GRK5: variants seen among roughly 807,000 people sequenced by gnomAD.
The protein encoded by GRK5 is G protein-coupled receptor kinase 5, also known as g protein-coupled receptor kinase GRK5.
GRK5 carries 40 observed loss-of-function variants against 78.4 expected under a neutral mutation model. The ratio of observed to expected loss-of-function variants is 0.51; its 90% CI spans 0.40 to 0.66. The LOEUF (loss-of-function observed/expected upper bound fraction) is 0.66, where lower values mean the gene tolerates loss of function less well. GRK5 is among the 30% of genes least tolerant of loss of function. The pLI, the probability that GRK5 is intolerant of heterozygous loss-of-function variation, is 0.00. For synonymous variants in GRK5, 289 were observed against 296.8 expected (o/e 0.97, Z 0.27); for missense variants, 598 against 759.9 (o/e 0.79, Z 2.50).
intron 6 of GRK5, among the ~76,000 whole-genome samples, chr10:119,427,614 C>T (rs1258044734): frequency 4.0e-5 from 6 of 151,670 alleles, no homozygotes; most frequent in South Asian, 2.1e-4. Flanking sequence ...ATCAGCATCA[C>T]TGCCATCATC....
At chr10:119,395,115 A>G (rs1458014365) in intron 3 of GRK5, among the ~76,000 whole-genome samples, 1 of 143,624 alleles carries the variant, frequency 7.0e-6, no homozygotes, top group Non-Finnish European at 1.5e-5. Flanking sequence ...GACCTTGGGC[A>G]AGTCCCTGAC....
At chr10:119,361,541 A>G (rs765824752) in intron 2 of GRK5, among the ~76,000 whole-genome samples, 21 of 152,218 alleles carry the variant, frequency 1.4e-4, no homozygotes, top group Non-Finnish European at 2.1e-4. Flanking sequence ...GGAAGAAGTT[A>G]ATTAAGCAAT....
rs2133675311 is a variant in GRK5 at position 119,271,987 on chromosome 10, G to T, written c.53-54529G>T. On this transcript the variant is annotated intron_variant, in intron 1 of 15. Coordinates refer to ENST00000392870, the MANE Select transcript of GRK5 (RefSeq NM_005308.3). This position sits in a 1 kb window ranked among gnomAD's most constrained non-coding sequence, Gnocchi z 4.1. ...GGGCTTGCCACAGTCTCATGACTCT[G>T]CTGGGAAGAGCCTTCCTGCGGGCCC... Among the ~76,000 whole-genome samples the T allele has an allele frequency of 6.6e-6, 1 of 152,304 alleles. No individual in the cohort carries two copies. Among genetic ancestry groups the T allele is most frequent in the East Asian group, 1.9e-4 (1 of 5,186 alleles).
chr10:119,234,736 A>G (rs1281864796), intron 1 of GRK5, among the ~76,000 whole-genome samples: 2 of 150,812 alleles, frequency 1.3e-5, no homozygotes, highest in African/African-American at 4.9e-5. Context: ...TCTGTCACCC[A>G]GGCTGGAGTG....
chr10:119,287,776 G>A (rs924224389), intron 1 of GRK5, among the ~76,000 whole-genome samples: 32 of 152,138 alleles, frequency 2.1e-4, no homozygotes, highest in African/African-American at 6.3e-4. Flanking sequence ...CGTATCCAGC[G>A]CCGGGGCTAT....
chr10:119,380,895 C>T lies in GRK5; in HGVS notation c.229C>T (p.Leu77=). The T allele has an allele frequency of 6.2e-7, 1 of 1,613,188 alleles. No homozygotes were observed. The highest frequency in any genetic ancestry group is 8.5e-7 in the Non-Finnish European group (1 of 1,179,140). Residue 77 remains leucine, a synonymous_variant, in exon 3 of 16, where the codon CTG becomes TTG. Transcript: ENST00000392870. ...GCAGTTTTGTGAAACCAGGCCTGGG[C>T]TGGAGTGTTACATTCAGTTCCTGGA... is the stretch of plus-strand genomic sequence containing the variant. ...FRQFCETRPG[L]ECYIQFLDSV...
chr10:119,289,325 T>G (rs1297348368), intron 1 of GRK5, among the ~76,000 whole-genome samples: 1 of 152,192 alleles, frequency 6.6e-6, no homozygotes, highest in Non-Finnish European at 1.5e-5. Flanking sequence ...GCACCTTTCC[T>G]TCCCCTTTTG....
chr10:119,293,516 C>T lies in GRK5; in HGVS notation c.53-33000C>T, dbSNP rs574348842. ...GTCTGTCTTTTGACCTCCCAGTGCA[C>T]AGCCATGGGTCTGTCACTCTGGTGA... On this transcript the variant is annotated intron_variant, in intron 1 of 15. Transcript: ENST00000392870. Among the ~76,000 whole-genome samples the T allele has an allele frequency of 5.7e-4, 87 of 152,368 alleles. 3 individuals are homozygous for T. The South Asian group carries it at 0.018, about 31-fold the overall frequency.
intron 1 of GRK5, among the ~76,000 whole-genome samples, chr10:119,214,003 T>C (rs1269519902): frequency 6.6e-6 from 1 of 152,150 alleles, no homozygotes; most frequent in Non-Finnish European, 1.5e-5. Flanking sequence ...TGAGACAGAG[T>C]CTGCTCTGTC....
intron 3 of GRK5, among the ~76,000 whole-genome samples, chr10:119,384,028 G>C (rs1851754032): frequency 6.6e-6 from 1 of 152,162 alleles, no homozygotes; most frequent in African/African-American, 2.4e-5. Context: ...AGATCTTCCA[G>C]CATCAGCTCC....
intron 1 of GRK5, among the ~76,000 whole-genome samples, chr10:119,255,453 T>C (rs968146116): frequency 4.6e-5 from 7 of 152,226 alleles, no homozygotes; most frequent in African/African-American, 2.4e-5. Context: ...ACTTAGAGGC[T>C]CTTTCTGTTT....
Position 119,207,856 on chromosome 10 carries a change from C to T in GRK5, c.-62C>T. ...GCAGCCCGAGCAGCGGCAGCAGCAG[C>T]GGCAGCACCCCAGGCGCTGACAGCC... On this transcript the variant is annotated 5_prime_UTR_variant, in exon 1 of 16. Coordinates refer to ENST00000392870, the MANE Select transcript of GRK5 (RefSeq NM_005308.3). 1.4e-6 allele frequency: 2 copies of T among 1,469,300 alleles called. No homozygotes were observed. The highest frequency in any genetic ancestry group is 1.8e-6 in the Non-Finnish European group (2 of 1,083,010). 91.0% of individuals were successfully genotyped at this position (1,469,300 alleles called of 1,614,324 possible).
At chr10:119,215,897 A>G (rs1403434202) in intron 1 of GRK5, among the ~76,000 whole-genome samples, 1 of 152,212 alleles carries the variant, frequency 6.6e-6, no homozygotes, top group Admixed American at 6.5e-5. Flanking sequence ...CAGGCAGGTG[A>G]TCTAAAATGG....
chr10:119,376,952 T>C (rs528979548), intron 2 of GRK5, among the ~76,000 whole-genome samples: 1 of 152,334 alleles, frequency 6.6e-6, no homozygotes, highest in Non-Finnish European at 1.5e-5. Flanking sequence ...AGGAGTTCCA[T>C]GTTCTAGAAG....
rs1386752121 is a variant in GRK5 at position 119,378,017 on chromosome 10, G to A, written c.149-2798G>A. ...TATCTGCAGGGCATTGTGCTAACAG[G>A]TGCAGGCTGCAGACCTGTCACAGGC... On this transcript the variant is annotated intron_variant, in intron 2 of 15. Coordinates refer to ENST00000392870, the MANE Select transcript of GRK5 (RefSeq NM_005308.3). The surrounding 1 kb of genome is among the most constrained non-coding windows in gnomAD (Gnocchi z 4.5). 6.5e-6 allele frequency: 1 copy of A among 154,402 alleles called. No individual in the cohort carries two copies. Among genetic ancestry groups the A allele is most frequent in the East Asian group, 1.9e-4 (1 of 5,204 alleles). 9.6% of individuals were successfully genotyped at this position (154,402 alleles called of 1,614,324 possible).
chr10:119,313,476 C>T (rs972669421), intron 1 of GRK5, among the ~76,000 whole-genome samples: 14 of 152,118 alleles, frequency 9.2e-5, no homozygotes, highest in African/African-American at 2.9e-4. Context: ...AGCAGTGTCT[C>T]AGTTTGCAGG....
At chr10:119,276,549 C>G (rs1035444533) in intron 1 of GRK5, among the ~76,000 whole-genome samples, 1 of 151,994 alleles carries the variant, frequency 6.6e-6, no homozygotes, top group East Asian at 1.9e-4. Flanking sequence ...TGAATAGTGC[C>G]GCAATAAACA....
intron 1 of GRK5, among the ~76,000 whole-genome samples, chr10:119,285,515 T>C (rs1849833189): frequency 6.6e-6 from 1 of 152,156 alleles, no homozygotes; most frequent in Non-Finnish European, 1.5e-5. Flanking sequence ...TGCACCTTGA[T>C]TTATGCCACT....
chr10:119,324,041 G>A (rs150221167), intron 1 of GRK5, among the ~76,000 whole-genome samples: 426 of 152,308 alleles, frequency 2.8e-3, no homozygotes, highest in African/African-American at 9.8e-3. Context: ...CAGCTTTTCT[G>A]GGAGCTCACA....
Sources: allele counts gnomAD v4.1 joint callset (sites outside exome capture counted in the v4.1 genomes callset), GRCh38; gene constraint gnomAD v4.1.1; non-coding constraint Gnocchi (gnomAD v3.1); transcripts MANE v1.5; gene names NCBI Gene and HGNC (gene_info 2026-07-23, HGNC 2026-07-21).